The following SGCD variants were observed in gnomAD, a reference collection of about 807,000 sequenced individuals.
SGCD encodes the protein delta-sarcoglycan.
SGCD carries 18 observed loss-of-function variants against 36.6 expected under a neutral mutation model. That is an observed-to-expected ratio of 0.49 (90% CI 0.34 to 0.73). The LOEUF (loss-of-function observed/expected upper bound fraction) is 0.73, where lower values mean the gene tolerates loss of function less well. Among genes scored for constraint, SGCD ranks in the 30% least tolerant of loss-of-function variants. The pLI, the probability that SGCD is intolerant of heterozygous loss-of-function variation, is 0.01. For missense variants in SGCD, 387 were observed against 346.7 expected (o/e 1.12, Z -0.92); for synonymous variants, 133 against 130.6 (o/e 1.02, Z -0.12).
intron 2 of SGCD, among the ~76,000 whole-genome samples, chr5:156,334,064 G>A (rs1409784118): frequency 1.3e-5 from 2 of 151,890 alleles, no homozygotes; most frequent in Non-Finnish European, 2.9e-5. Flanking sequence ...TATTGTCCAT[G>A]TTCCCTTTAG....
At position 155,886,480 on chromosome 5, in the gene SGCD, A is replaced by ATG. The variant is rs796741485; in HGVS notation, c.-282+16069_-282+16070dup. ...TATTTGGTACAAACTTTGCAGAGGA[A>ATG]TGTGTGTGTGTGTGCGCGCACGCGC... On this transcript the variant is annotated intron_variant, in intron 1 of 9. Coordinates refer to the SGCD transcript ENST00000517913. 3.6e-4 allele frequency among the ~76,000 whole-genome samples: 55 copies of ATG among 151,146 alleles called. No individual in the cohort carries two copies. The South Asian group carries it at 4.0e-3, about 11-fold the overall frequency.
intron 3 of SGCD, among the ~76,000 whole-genome samples, chr5:156,372,476 A>G (rs1770437082): frequency 1.3e-5 from 2 of 152,186 alleles, no homozygotes; most frequent in South Asian, 4.1e-4. Flanking sequence ...ACTTTCTCCA[A>G]GAAGTAGTCT....
intron 4 of SGCD, among the ~76,000 whole-genome samples, chr5:156,554,021 A>T (rs1758901061): frequency 6.6e-6 from 1 of 152,154 alleles, no homozygotes; most frequent in African/African-American, 2.4e-5. Context: ...TCAGTTACTC[A>T]TGGTCAGCAG....
At chr5:155,863,900 C>T in the SGCD span, among the ~76,000 whole-genome samples, 1 of 152,088 alleles carries the variant, frequency 6.6e-6, no homozygotes, top group Admixed American at 6.6e-5. Context: ...AAAAAACAGA[C>T]AAGGACCCTA....
chr5:156,565,026 A>G (rs1469653877), intron 4 of SGCD, among the ~76,000 whole-genome samples: 4 of 152,256 alleles, frequency 2.6e-5, no homozygotes, highest in African/African-American at 9.6e-5. Context: ...ACAAGGATAG[A>G]TCTGAAAGAT....
intron 3 of SGCD, among the ~76,000 whole-genome samples, chr5:156,142,229 C>A (rs1355711178): frequency 6.6e-6 from 1 of 152,158 alleles, no homozygotes; most frequent in Non-Finnish European, 1.5e-5. Flanking sequence ...TTTCCTGGGG[C>A]CTCCCCGGAA....
intron 1 of SGCD, among the ~76,000 whole-genome samples, chr5:155,944,528 A>G (rs1757399072): frequency 6.6e-6 from 1 of 152,224 alleles, no homozygotes; most frequent in Non-Finnish European, 1.5e-5. Flanking sequence ...CATGGCATCA[A>G]AAGTATAGAG....
At chr5:156,429,416 G>A (rs1773830470) in intron 3 of SGCD, among the ~76,000 whole-genome samples, 2 of 151,976 alleles carry the variant, frequency 1.3e-5, no homozygotes, top group Admixed American at 6.6e-5. Flanking sequence ...TGTCTTAAGT[G>A]AGTATCTTGA....
At chr5:155,910,544 C>T (rs1167556277) in intron 1 of SGCD, among the ~76,000 whole-genome samples, 1 of 151,972 alleles carries the variant, frequency 6.6e-6, no homozygotes, top group Non-Finnish European at 1.5e-5. Context: ...GGTTGCACAT[C>T]ATGTCAATCC....
At chr5:156,379,576 A>G (rs528167548) in intron 3 of SGCD, among the ~76,000 whole-genome samples, 32 of 152,182 alleles carry the variant, frequency 2.1e-4, no homozygotes, top group Non-Finnish European at 3.1e-4. Context: ...GTGACAGAGG[A>G]AGCCACTTCC....
At chr5:156,030,786 T>G (rs1759332878) in intron 1 of SGCD, among the ~76,000 whole-genome samples, 1 of 151,878 alleles carries the variant, frequency 6.6e-6, no homozygotes, top group African/African-American at 2.4e-5. Flanking sequence ...ACATCTAAGG[T>G]GCAAAGGAAG....
At chr5:156,155,734 C>T (rs888059867) in intron 3 of SGCD, among the ~76,000 whole-genome samples, 1 of 151,564 alleles carries the variant, frequency 6.6e-6, no homozygotes, top group Admixed American at 6.6e-5. Context: ...AGTAGCCCTC[C>T]GTCTTCACAA....
intron 3 of SGCD, among the ~76,000 whole-genome samples, chr5:156,251,582 T>C (rs1165315395): frequency 6.6e-6 from 1 of 152,008 alleles, no homozygotes; most frequent in African/African-American, 2.4e-5. Context: ...TGGTGCCATC[T>C]CGGCTCACTG....
chr5:156,494,433 G>T (rs1412730384), intron 3 of SGCD, among the ~76,000 whole-genome samples: 4 of 144,764 alleles, frequency 2.8e-5, no homozygotes, highest in East Asian at 2.0e-4. Context: ...TATGGATTTT[G>T]CTAGGCAAAG....
chr5:155,959,824 A>G (rs1217322641), intron 1 of SGCD, among the ~76,000 whole-genome samples: 1 of 152,006 alleles, frequency 6.6e-6, no homozygotes, highest in African/African-American at 2.4e-5. Flanking sequence ...TGGAAAGGTG[A>G]ATTTATTTGC....
chr5:156,092,778 T>C (rs916668627), intron 1 of SGCD, among the ~76,000 whole-genome samples: 4 of 152,212 alleles, frequency 2.6e-5, no homozygotes, highest in Non-Finnish European at 4.4e-5. Flanking sequence ...CATATCCCAG[T>C]GGAGGGATTG....
At chr5:155,766,541 T>G in the SGCD span, among the ~76,000 whole-genome samples, 3 of 152,144 alleles carry the variant, frequency 2.0e-5, no homozygotes, top group South Asian at 4.1e-4. Flanking sequence ...GCCATTTGAT[T>G]GCCTGCATTT....
intron 4 of SGCD, among the ~76,000 whole-genome samples, chr5:156,543,980 A>C (rs1016865930): frequency 6.6e-6 from 1 of 152,240 alleles, no homozygotes; most frequent in East Asian, 1.9e-4. Context: ...GAAGTAGCTC[A>C]GAGAGCTCAG....
At chr5:155,740,692 G>GT in the SGCD span, among the ~76,000 whole-genome samples, 3 of 137,154 alleles carry the variant, frequency 2.2e-5, no homozygotes, top group Non-Finnish European at 3.2e-5. Context: ...GATTGTGTTT[G>GT]TATCATTAGG....
Sources: allele counts gnomAD v4.1 joint callset (sites outside exome capture counted in the v4.1 genomes callset), GRCh38; gene constraint gnomAD v4.1.1; transcripts MANE v1.5; gene names NCBI Gene and HGNC (gene_info 2026-07-23, HGNC 2026-07-21).